The following SEMA4D variants were observed in gnomAD, a reference collection of about 807,000 sequenced individuals.
SEMA4D encodes semaphorin 4D.
In SEMA4D, 22 loss-of-function variants were observed where a neutral mutation model predicts 74.8. That is an observed-to-expected ratio of 0.29 (90% CI 0.21 to 0.42). SEMA4D has a LOEUF of 0.42. SEMA4D is among the 10% of genes least tolerant of loss of function. The pLI is 1.00. For missense variants in SEMA4D, 937 were observed against 1,118.4 expected (o/e 0.84, Z 2.31); for synonymous variants, 445 against 463.7 (o/e 0.96, Z 0.52).
intron 6 of SEMA4D, among the ~76,000 whole-genome samples, chr9:89,394,340 A>G (rs1840457890): frequency 6.6e-6 from 1 of 152,222 alleles, no homozygotes; most frequent in Non-Finnish European, 1.5e-5. Flanking sequence ...TAAATATGTG[A>G]CAAACTGGGG....
chr9:89,389,109 G>A, intron 9 of SEMA4D, 62 bp from the exon 10 acceptor site: 1 of 1,561,912 alleles, frequency 6.4e-7, no homozygotes. Context: ...CAAGCACTAA[G>A]GTCAGAGGTG....
At chr9:89,441,308 T>G (rs1453520047) in intron 2 of SEMA4D, among the ~76,000 whole-genome samples, 1 of 152,266 alleles carries the variant, frequency 6.6e-6, no homozygotes, top group Non-Finnish European at 1.5e-5. Flanking sequence ...AGCGGGCAAT[T>G]TCCACAGCTT....
intron 9 of SEMA4D, among the ~76,000 whole-genome samples, chr9:89,389,659 CTG>C (rs1839371254): frequency 6.6e-6 from 1 of 152,250 alleles, no homozygotes; most frequent in Admixed American, 6.5e-5. Context: ...CTACACATGA[CTG>C]TGTGTGGTCT....
chr9:89,365,888 C>T (rs2132290142), intron 16 of SEMA4D, among the ~76,000 whole-genome samples: 1 of 152,292 alleles, frequency 6.6e-6, no homozygotes, highest in Admixed American at 6.5e-5. Context: ...AATGCATTTT[C>T]CCTGCTTTAC....
At chr9:89,415,871 A>G (rs557543087) in intron 2 of SEMA4D, among the ~76,000 whole-genome samples, 41 of 152,296 alleles carry the variant, frequency 2.7e-4, no homozygotes, top group African/African-American at 9.9e-4. Context: ...GTCGGTCACC[A>G]TTTACACTGG....
exon 18 of SEMA4D, chr9:89,363,522 T>A: frequency 3.7e-6 from 6 of 1,614,000 alleles, no homozygotes; most frequent in Non-Finnish European, 5.1e-6. Context: ...TCCTGGTGGG[T>A]CACTTCTGGA....
At chr9:89,386,562 C>T in intron 12 of SEMA4D, 80 bp from the exon 13 acceptor site, 2 of 795,872 alleles carry the variant, frequency 2.5e-6, no homozygotes, top group Admixed American at 2.1e-5. Context: ...GCAAACTTCA[C>T]ACTCTTCACT....
At chr9:89,478,728 C>T (rs1862384317) in intron 1 of SEMA4D, among the ~76,000 whole-genome samples, 1 of 152,082 alleles carries the variant, frequency 6.6e-6, no homozygotes, top group Admixed American at 6.5e-5. Context: ...CTCCACTCTC[C>T]CACCCAAAAC....
intron 1 of SEMA4D, among the ~76,000 whole-genome samples, chr9:89,480,989 G>A (rs1274391474): frequency 6.6e-6 from 1 of 152,252 alleles, no homozygotes; most frequent in Non-Finnish European, 1.5e-5. Context: ...CTCACTATCA[G>A]TACATACACA....
chr9:89,379,535 A>G lies in SEMA4D; in HGVS notation c.1758T>C (p.Phe586=). Residue 586 remains phenylalanine, a synonymous_variant, in exon 16 of 16, where the codon TTT becomes TTC. Coordinates refer to ENST00000422704, the MANE Select transcript of SEMA4D (RefSeq NM_001371194.2). ...CSQKSNLARV[F]WKFQNGVLKA... is the part of the protein sequence containing the mutation. ...TCAACACGCCATTCTGGAACTTCCA[A>G]AAGACCCGGGCCAGGTTGGATTTTT... 6.2e-7 allele frequency: 1 copy of G among 1,614,152 alleles called. No homozygotes were observed. The highest frequency in any genetic ancestry group is 8.5e-7 in the Non-Finnish European group (1 of 1,180,030).
At position 89,378,752 on chromosome 9, in the gene SEMA4D, G is replaced by A. The variant is rs746884449; in HGVS notation, c.2541C>T (p.Asp847=). The change falls in exon 16 of 16, where the codon GAC becomes GAT. Residue 847 remains aspartate (D), a synonymous_variant. Transcript: ENST00000422704. ...CAGCGAACTTCAGCTCACACTTGAC[G>A]TCAAAGGGCTTGTCCCTGGCAGAAA... ...DDLSARDKPF[D]VKCELKFADS... 26 of 1,614,180 alleles carry A rather than the reference G, an allele frequency of 1.6e-5. No individual in the cohort carries two copies. The highest frequency in any genetic ancestry group is 2.7e-5 in the African/African-American group (2 of 75,046).
chr9:89,387,133 C>G (rs1460998411), intron 12 of SEMA4D: 5 of 455,914 alleles, frequency 1.1e-5, no homozygotes, highest in African/African-American at 4.0e-5. Context: ...CTGCCCCAGC[C>G]CAGCCCAGCC....
intron 2 of SEMA4D, among the ~76,000 whole-genome samples, chr9:89,449,306 C>G (rs1587976397): frequency 1.3e-5 from 2 of 152,242 alleles, no homozygotes; most frequent in South Asian, 4.1e-4. Context: ...CTCCCAACTA[C>G]AGAGGCGGGG....
intron 13 of SEMA4D, chr9:89,385,333 T>C (rs1838204570): frequency 1.0e-6 from 1 of 985,222 alleles, no homozygotes; most frequent in South Asian, 4.7e-5. Flanking sequence ...TTTAGAGATG[T>C]TGTAGGTGCC....
chr9:89,381,142 G>A lies in SEMA4D; in HGVS notation c.1619+32C>T, dbSNP rs913722914. 3.7e-6 allele frequency: 6 copies of A among 1,614,132 alleles called. No individual in the cohort carries two copies. The highest frequency in any genetic ancestry group is 2.2e-5 in the East Asian group (1 of 44,886). On this transcript the variant is annotated intron_variant, in intron 14 of 15. Transcript: ENST00000422704. This position sits in a 1 kb window ranked among gnomAD's most constrained non-coding sequence, Gnocchi z 4.6. Reference sequence around the variant, plus strand: ...GTGTTATTCACCCACACACATGGGGGACATCCCCAGGCAGCGCATCCCGCC... The same window carrying A: ...GTGTTATTCACCCACACACATGGGGAACATCCCCAGGCAGCGCATCCCGCC...
chr9:89,454,454 C>G (rs908416465), intron 2 of SEMA4D, among the ~76,000 whole-genome samples: 10 of 152,282 alleles, frequency 6.6e-5, no homozygotes, highest in African/African-American at 2.2e-4. Flanking sequence ...ATTTCCACAC[C>G]AGATCTAGCA....
chr9:89,479,854 G>A (rs1292695900), intron 1 of SEMA4D: 1 of 153,468 alleles, frequency 6.5e-6, no homozygotes, highest in East Asian at 1.9e-4. Context: ...AAAGAACAAA[G>A]CTTCCACAGT....
chr9:89,394,103 A>G (rs1027960046), intron 6 of SEMA4D, among the ~76,000 whole-genome samples: 1 of 152,194 alleles, frequency 6.6e-6, no homozygotes, highest in African/African-American at 2.4e-5. Flanking sequence ...AAACAGGCAG[A>G]ATCTCTACGT....
chr9:89,369,651 G>A (rs1834234728), intron 16 of SEMA4D: 1 of 152,268 alleles, frequency 6.6e-6, no homozygotes, highest in Admixed American at 6.5e-5. Context: ...CTGGCACACG[G>A]GTGGTGGGGT....
Sources: gnomAD v4.1 joint callset for allele counts (sites outside exome capture counted in the v4.1 genomes callset) on GRCh38, gnomAD v4.1.1 for gene constraint, Gnocchi (gnomAD v3.1) non-coding constraint, MANE v1.5 for transcripts, NCBI Gene and HGNC (gene_info 2026-07-23, HGNC 2026-07-21) for gene names.